Variants in NT5C1A observed in about 807,000 individuals in gnomAD.
NT5C1A encodes 5'-nucleotidase, cytosolic IA.
A neutral mutation model predicts 31.0 loss-of-function variants in NT5C1A; 18 were observed. The ratio of observed to expected loss-of-function variants is 0.58; its 90% CI spans 0.40 to 0.86. The LOEUF (loss-of-function observed/expected upper bound fraction) is 0.86. NT5C1A is among the 40% of genes least tolerant of loss of function. NT5C1A has a pLI of 0.00. For missense variants in NT5C1A, 470 were observed against 505.4 expected, an observed-to-expected ratio of 0.93 and a Z score of 0.67; for synonymous variants, 185 against 203.6, an observed-to-expected ratio of 0.91 and a Z score of 0.78.
At position 39,658,172 on chromosome 1, in the gene NT5C1A, G is replaced by A. The variant is rs947168836; in HGVS notation, c.*949C>T. On this transcript the variant is annotated 3_prime_UTR_variant, in exon 6 of 6. Coordinates refer to ENST00000235628, the MANE Select transcript of NT5C1A (RefSeq NM_032526.3). The stretch of plus-strand genomic sequence containing the variant: ...AAAGCAAGAGCAAAGGAAACACTGA[G>A]CAGGCAGCTACTAATGCTTCTCCCG... 4.6e-5 allele frequency among the ~76,000 whole-genome samples: 7 copies of A among 152,220 alleles called. No homozygotes were observed. The highest frequency in any genetic ancestry group is 1.7e-4 in the African/African-American group (7 of 41,458).
intron 5 of NT5C1A, 106 bp from the exon 6 acceptor site, chr1:39,659,592 A>T (rs186131044): frequency 2.9e-6 from 4 of 1,394,658 alleles, no homozygotes; most frequent in Non-Finnish European, 3.9e-6. Context: ...AAACTTCAGG[A>T]TCCCTAAATC....
Position 39,659,462 on chromosome 1 carries a change from C to T in NT5C1A, c.766G>A (p.Ala256Thr), listed in dbSNP as rs749698386. ...AACTTCTTCTGCAACCTACCCAGTGCCTCCAGAAAGCCCTTTAAGGGGCCC... is the reference window on the plus strand; with the variant it reads ...AACTTCTTCTGCAACCTACCCAGTGTCTCCAGAAAGCCCTTTAAGGGGCCC... ...AQGPLKGFLE[A>T]LGRLQKKFYS... The change falls in exon 6 of 6, where the codon GCA (alanine) becomes ACA (threonine). Residue 256 changes from alanine (A) to threonine (T), a missense_variant. Coordinates refer to ENST00000235628, the MANE Select transcript of NT5C1A (RefSeq NM_032526.3). 1 of 1,589,996 alleles carries T rather than the reference C, an allele frequency of 6.3e-7. No homozygotes were observed. Among genetic ancestry groups the T allele is most frequent in the Non-Finnish European group, 8.6e-7 (1 of 1,166,052 alleles).
rs1646502358 is a variant in NT5C1A, at chr1:39,663,436, T to C, written c.434-2A>G. 6.2e-7 allele frequency: 1 copy of C among 1,613,988 alleles called. No individual in the cohort carries two copies. Among genetic ancestry groups the C allele is most frequent in the Non-Finnish European group, 8.5e-7 (1 of 1,179,954 alleles). ...TGCAGAACCTCTCGATGAACAGGTC[T>C]GGGAAGGAGGTAAAGGACCCAGGTG... On this transcript the variant is annotated splice_acceptor_variant, in intron 3 of 5. Transcript: ENST00000235628. LOFTEE classifies it high-confidence loss of function.
chr1:39,669,973 C>A (rs1230020150), intron 1 of NT5C1A, among the ~76,000 whole-genome samples: 2 of 152,068 alleles, frequency 1.3e-5, no homozygotes, highest in Non-Finnish European at 2.9e-5. Context: ...GTAGGTTGAC[C>A]TTTTATTTAA....
At chr1:39,664,257 C>G (rs1389198997) in intron 3 of NT5C1A, among the ~76,000 whole-genome samples, 1 of 150,542 alleles carries the variant, frequency 6.6e-6, no homozygotes, top group African/African-American at 2.4e-5. Context: ...GGGTTCACGT[C>G]ATTCTCCTGC....
Position 39,666,108 on chromosome 1 carries a change from G to T in NT5C1A, c.264C>A (p.Asn88Lys), listed in dbSNP as rs140735713. The T allele has an allele frequency of 6.2e-7, 1 of 1,613,666 alleles. No homozygotes were observed. The highest frequency in any genetic ancestry group is 8.5e-7 in the Non-Finnish European group (1 of 1,179,978). ...EYVRYQLEHE[N>K]EPFSPGPAFP... ...AGGCTGGCCCGGGACTGAAGGGTTCGTTCTCATGTTCCAGCTGGTAGCGCA... is the reference window on the plus strand; with the variant it reads ...AGGCTGGCCCGGGACTGAAGGGTTCTTTCTCATGTTCCAGCTGGTAGCGCA... The change falls in exon 2 of 6, where the codon AAC becomes AAA. Residue 88 changes from asparagine (N) to lysine (K), a missense_variant. Physicochemically the swap from Asn to Lys is moderately conservative, Grantham distance 94. Transcript: ENST00000235628.
In NT5C1A at chr1:39,658,965, C is replaced by T. The variant is rs1458223692; in HGVS notation, c.*156G>A. 2.0e-5 allele frequency among the ~76,000 whole-genome samples: 3 copies of T among 152,162 alleles called. No individual in the cohort carries two copies. The highest frequency in any genetic ancestry group is 1.3e-4 in the Admixed American group (2 of 15,280). On this transcript the variant is annotated 3_prime_UTR_variant, in exon 6 of 6. Coordinates refer to ENST00000235628, the MANE Select transcript of NT5C1A (RefSeq NM_032526.3). The stretch of plus-strand genomic sequence containing the variant: ...GGAGGGATGTTGAGAATGCCAGACC[C>T]GTCTGCATAATTTCCTACAAGTACA...
intron 3 of NT5C1A, among the ~76,000 whole-genome samples, chr1:39,665,200 C>T (rs1646514867): frequency 6.6e-6 from 1 of 152,178 alleles, no homozygotes; most frequent in Non-Finnish European, 1.5e-5. Context: ...CCTAATCACA[C>T]GGAGAGTGGG....
rs192231777 is a variant in NT5C1A at position 39,656,489 on chromosome 1, C to T, written c.*2632G>A. Among the ~76,000 whole-genome samples, 5 of 152,334 alleles carry T rather than the reference C, an allele frequency of 3.3e-5. No individual in the cohort carries two copies. The highest frequency in any genetic ancestry group is 3.3e-4 in the Admixed American group (5 of 15,306). ...TAGACTCTTAGTGTTTCTCCATTGC[C>T]CAGGGCTGTCTGTGTCTATTAATGA... On this transcript the variant is annotated 3_prime_UTR_variant, in exon 6 of 6. Transcript: ENST00000235628.
Position 39,657,178 on chromosome 1 carries a change from A to T in NT5C1A, c.*1943T>A, listed in dbSNP as rs1570454968. ...CACAGCCATACCCTTCCTCCCTGGG[A>T]CCAGCCTCATGGAGACCTCTGACAA... is the stretch of plus-strand genomic sequence containing the variant. On this transcript the variant is annotated 3_prime_UTR_variant, in exon 6 of 6. Coordinates refer to ENST00000235628, the MANE Select transcript of NT5C1A (RefSeq NM_032526.3). Among the ~76,000 whole-genome samples, 2 of 152,110 alleles carry T rather than the reference A, an allele frequency of 1.3e-5. No individual in the cohort carries two copies. Among genetic ancestry groups the T allele is most frequent in the Admixed American group, 6.5e-5 (1 of 15,268 alleles).
In NT5C1A at chr1:39,666,213, G is replaced by GGT. The variant is rs1214100786; in HGVS notation, c.157_158dup (p.Ile54ProfsTer48). On this transcript the variant is annotated frameshift_variant, in exon 2 of 6. Transcript: ENST00000235628. LOFTEE classifies it high-confidence loss of function. Reference sequence around the variant, plus strand: ...ACAAGGCTCGGGAGGACACAGCGATGGTGACTGCATTCTGAGGCTTGGGCT... The same window carrying GGT: ...ACAAGGCTCGGGAGGACACAGCGATGGTGTGACTGCATTCTGAGGCTTGGGCT... The GGT allele has an allele frequency of 3.1e-6, 5 of 1,613,422 alleles. No individual in the cohort carries two copies. The highest frequency in any genetic ancestry group is 4.2e-6 in the Non-Finnish European group (5 of 1,179,970).
In NT5C1A at chr1:39,653,444, G is replaced by A. The variant is rs191607296; in HGVS notation, c.*5677C>T. ...ATTACACACACCCACATAAATACACGTACGTGTACGATTTTTATCCTGTTG... is the reference window on the plus strand; with the variant it reads ...ATTACACACACCCACATAAATACACATACGTGTACGATTTTTATCCTGTTG... On this transcript the variant is annotated 3_prime_UTR_variant, in exon 6 of 6. Coordinates refer to ENST00000235628, the MANE Select transcript of NT5C1A (RefSeq NM_032526.3). Among the ~76,000 whole-genome samples the A allele has an allele frequency of 6.6e-6, 1 of 152,072 alleles. No individual in the cohort carries two copies. The highest frequency in any genetic ancestry group is 1.5e-5 in the Non-Finnish European group (1 of 68,020).
intron 2 of NT5C1A, 35 bp downstream of exon 2, chr1:39,666,034 C>A: frequency 6.3e-7 from 1 of 1,592,822 alleles, no homozygotes; most frequent in Non-Finnish European, 8.6e-7. Context: ...CCCACGAAGG[C>A]GCTATATGAG....
At position 39,659,127 on chromosome 1, in the gene NT5C1A, T is replaced by G. The variant is rs765799498; in HGVS notation, c.1101A>C (p.Ala367=). ...AGTAAAGCCGGTGGTTCAGCTACTGTGCAGATGGGGCCTGCTTTGCAGGTG... is the reference window on the plus strand; with the variant it reads ...AGTAAAGCCGGTGGTTCAGCTACTGGGCAGATGGGGCCTGCTTTGCAGGTG... The part of the protein sequence containing the change: ...RTAPAKQAPS[A]Q The change falls in exon 6 of 6, where the codon GCA becomes GCC. Residue 367 remains alanine (A), a synonymous_variant. Coordinates refer to ENST00000235628, the MANE Select transcript of NT5C1A (RefSeq NM_032526.3). 2 of 1,600,244 alleles carry G rather than the reference T, an allele frequency of 1.2e-6. No individual in the cohort carries two copies. The highest frequency in any genetic ancestry group is 3.4e-5 in the Admixed American group (2 of 59,246).
intron 3 of NT5C1A, among the ~76,000 whole-genome samples, chr1:39,664,655 G>A (rs1442436866): frequency 1.4e-5 from 2 of 147,604 alleles, no homozygotes; most frequent in Non-Finnish European, 3.0e-5. Context: ...ACCACACCAG[G>A]CTAATTTTTG....
chr1:39,668,878 G>A (rs918769753), intron 1 of NT5C1A, among the ~76,000 whole-genome samples: 2 of 152,232 alleles, frequency 1.3e-5, no homozygotes, highest in Non-Finnish European at 2.9e-5. Context: ...AGATCCCAGA[G>A]GCCATGGCTG....
Position 39,659,068 on chromosome 1 carries a change from G to A in NT5C1A, c.*53C>T, listed in dbSNP as rs746423259. ...AGAGGGATCTACCAGAGGAGGTGTC[G>A]AAGTATGTCAGGGAGCCTGGAGCAA... On this transcript the variant is annotated 3_prime_UTR_variant, in exon 6 of 6. Coordinates refer to ENST00000235628, the MANE Select transcript of NT5C1A (RefSeq NM_032526.3). The A allele has an allele frequency of 1.4e-5, 22 of 1,528,698 alleles. No homozygotes were observed. The highest frequency in any genetic ancestry group is 2.6e-5 in the South Asian group (2 of 77,830). The allele number at this position is 1,528,698 out of a possible 1,614,324, so 94.7% of individuals were successfully genotyped here.
intron 1 of NT5C1A, among the ~76,000 whole-genome samples, chr1:39,667,379 T>C (rs556734489): frequency 6.6e-6 from 1 of 152,208 alleles, no homozygotes; most frequent in East Asian, 1.9e-4. Flanking sequence ...TGGACCTTTA[T>C]AGTCCCTAGG....
Position 39,659,165 on chromosome 1 carries a change from G to T in NT5C1A, c.1063C>A (p.Pro355Thr). ...TGCTTTGCAGGTGCAGTCCGCCGGG[G>T]TGTCTGTGCCACACCATAAGGCACA... The part of the protein sequence containing the change: ...AHVPYGVAQT[P>T]RRTAPAKQAP... The change falls in exon 6 of 6, where the codon CCC becomes ACC. Residue 355 changes from proline (P) to threonine (T), a missense_variant. Transcript: ENST00000235628. The T allele has an allele frequency of 6.2e-7, 1 of 1,612,122 alleles. No individual in the cohort carries two copies. The highest frequency in any genetic ancestry group is 8.5e-7 in the Non-Finnish European group (1 of 1,178,626).
Sources: allele counts gnomAD v4.1 joint callset (sites outside exome capture counted in the v4.1 genomes callset), GRCh38; gene constraint gnomAD v4.1.1; transcripts MANE v1.5; gene names NCBI Gene and HGNC (gene_info 2026-07-23, HGNC 2026-07-21).